ATP11C: variants seen among roughly 807,000 people sequenced by gnomAD.
The protein encoded by ATP11C is ATPase phospholipid transporting 11C (ATP11C blood group), also known as phospholipid-transporting ATPase IG.
In ATP11C, 36 loss-of-function variants were observed where a neutral mutation model predicts 97.4. The ratio of observed to expected loss-of-function variants is 0.37; its 90% CI spans 0.28 to 0.49. The LOEUF is 0.49. Ranked by LOEUF, ATP11C falls within the 20% of genes least tolerant of loss-of-function variation. The pLI is 0.98. For synonymous variants in ATP11C, 275 were observed against 290.9 expected (o/e 0.95, Z 0.56); for missense variants, 730 against 824.6 (o/e 0.89, Z 1.40).
intron 22 of ATP11C, among the ~76,000 whole-genome samples, chrX:139,760,889 G>A (rs1343517870): frequency 8.9e-6 from 1 of 112,136 alleles, no homozygotes; most frequent in Non-Finnish European, 1.9e-5. Context: ...TACGTACAAG[G>A]TTTCTTTTGG....
At chrX:139,788,031 TG>T (rs2082611964) in intron 14 of ATP11C, among the ~76,000 whole-genome samples, 160 bp downstream of exon 14, 1 of 112,534 alleles carries the variant, frequency 8.9e-6, no homozygotes, top group Non-Finnish European at 1.9e-5. Flanking sequence ...TGGTTAGGTG[TG>T]GGAATTTTCC....
intron 29 of ATP11C, among the ~76,000 whole-genome samples, chrX:139,729,689 T>G (rs922790802): frequency 1.8e-5 from 2 of 111,895 alleles, no homozygotes; most frequent in African/African-American, 6.5e-5. Flanking sequence ...GGATGGTGCA[T>G]GACAGACAAA....
chrX:139,932,106 C>G lies in ATP11C; in HGVS notation c.-64G>C, dbSNP rs1293986214. ...GGGCTGTCTGGGAAGGCGCCGTCCA[C>G]AAAACACACTGCGGCGTGGGCCGGC... On this transcript the variant is annotated 5_prime_UTR_variant, in exon 1 of 30. Coordinates refer to ENST00000682941, the MANE Select transcript of ATP11C (RefSeq NM_001353812.2). 2.8e-6 allele frequency: 3 copies of G among 1,061,328 alleles called. No individual in the cohort carries two copies. The highest frequency in any genetic ancestry group is 6.1e-5 in the Admixed American group (2 of 32,956). 87.5% of individuals were successfully genotyped at this position (1,061,328 alleles called of 1,213,427 possible).
chrX:139,773,185 G>A (rs768377099), intron 19 of ATP11C, among the ~76,000 whole-genome samples: 4 of 111,194 alleles, frequency 3.6e-5, no homozygotes, highest in Admixed American at 1.9e-4. Context: ...TTCTCTTGTC[G>A]CTGTCATGTA....
At chrX:139,755,610 C>T (rs981428888) in intron 23 of ATP11C, among the ~76,000 whole-genome samples, 24 of 111,313 alleles carry the variant, frequency 2.2e-4, no homozygotes, top group Non-Finnish European at 3.0e-4. Context: ...TAACCAAAAC[C>T]GCATGGTACT....
At chrX:139,868,474 G>T (rs1385588726) in intron 1 of ATP11C, among the ~76,000 whole-genome samples, 1 of 109,245 alleles carries the variant, frequency 9.2e-6, no homozygotes, top group Non-Finnish European at 1.9e-5. Flanking sequence ...CCAACACTTT[G>T]GGAGGCTGAG....
chrX:139,866,493 C>G, intron 1 of ATP11C, among the ~76,000 whole-genome samples: 1 of 109,189 alleles, frequency 9.2e-6, no homozygotes. Flanking sequence ...CAAGGTGGGC[C>G]GATCGCTTGA....
At chrX:139,933,812 A>G (rs959400179), upstream of ATP11C, among the ~76,000 whole-genome samples, 3 of 112,090 alleles carry the variant, frequency 2.7e-5, no homozygotes, top group Non-Finnish European at 5.6e-5. Flanking sequence ...TTTGCTGGGA[A>G]TTTTCTTTGT....
At chrX:139,916,872 T>A (rs1341458914) in intron 1 of ATP11C, among the ~76,000 whole-genome samples, 1 of 111,309 alleles carries the variant, frequency 9.0e-6, no homozygotes, top group Non-Finnish European at 1.9e-5. Context: ...TACAAAACAA[T>A]ATGTAATCAA....
chrX:139,846,744 C>G (rs111636214), intron 1 of ATP11C, among the ~76,000 whole-genome samples: 309 of 111,107 alleles, frequency 2.8e-3, no homozygotes, highest in African/African-American at 8.3e-3. Flanking sequence ...TGTATTTTGA[C>G]TGAAACAGAC....
intron 20 of ATP11C, among the ~76,000 whole-genome samples, chrX:139,765,929 A>G (rs968903426): frequency 1.8e-5 from 2 of 112,211 alleles, no homozygotes; most frequent in Admixed American, 1.9e-4. Context: ...GACTAAGACT[A>G]CAATGAAAGG....
At chrX:139,809,907 G>A (rs1172316479) in intron 5 of ATP11C, among the ~76,000 whole-genome samples, 2 of 110,384 alleles carry the variant, frequency 1.8e-5, no homozygotes, top group African/African-American at 6.6e-5. Context: ...CAGACGTTGC[G>A]GTGAGCCAAG....
intron 20 of ATP11C, 39 bp downstream of exon 20, chrX:139,768,221 A>G: frequency 1.0e-6 from 1 of 966,087 alleles, no homozygotes; most frequent in South Asian, 4.2e-5. Flanking sequence ...TATGTATAGA[A>G]GTATCCAGAA....
chrX:139,836,273 T>C (rs1209560354), intron 1 of ATP11C, among the ~76,000 whole-genome samples: 1 of 110,747 alleles, frequency 9.0e-6, no homozygotes, highest in Non-Finnish European at 1.9e-5. Flanking sequence ...CTCAGCACTT[T>C]GGGAGGCCGA....
intron 1 of ATP11C, among the ~76,000 whole-genome samples, chrX:139,873,146 A>G (rs1484690688): frequency 8.9e-6 from 1 of 112,321 alleles, no homozygotes; most frequent in African/African-American, 3.2e-5. Context: ...TTGACTTGTA[A>G]ATTTTTTTAT....
chrX:139,820,593 G>A (rs1300896106), intron 2 of ATP11C, among the ~76,000 whole-genome samples: 3 of 109,371 alleles, frequency 2.7e-5, no homozygotes, highest in African/African-American at 6.7e-5. Flanking sequence ...CTGGGCCATG[G>A]AGGGCTTTCA....
rs1343272053 is a variant in ATP11C at position 139,728,647 on chromosome X, G to C, written c.*319C>G. On this transcript the variant is annotated 3_prime_UTR_variant, in exon 30 of 30. Transcript: ENST00000682941. ...TTCACAAAGTTCATGGGTTAAAAGA[G>C]CACCCATTTGAGTTATATTACTCTA... The C allele has an allele frequency of 1.1e-5, 3 of 274,386 alleles. No individual in the cohort carries two copies. Among genetic ancestry groups the C allele is most frequent in the African/African-American group, 8.1e-5 (3 of 37,066 alleles). The allele number at this position is 274,386 out of a possible 1,213,427, so 22.6% of individuals were successfully genotyped here.
At chrX:139,901,616 T>C (rs2084901273) in intron 1 of ATP11C, among the ~76,000 whole-genome samples, 1 of 111,030 alleles carries the variant, frequency 9.0e-6, no homozygotes, top group African/African-American at 3.3e-5. Context: ...GCTTTGCTTA[T>C]CTAATGGAAG....
chrX:139,886,062 T>C (rs1397933169), intron 1 of ATP11C, among the ~76,000 whole-genome samples: 1 of 111,000 alleles, frequency 9.0e-6, no homozygotes, highest in Admixed American at 9.7e-5. Flanking sequence ...AAAATACAGA[T>C]ACTTATAGAT....
Sources: allele counts gnomAD v4.1 joint callset (sites outside exome capture counted in the v4.1 genomes callset), GRCh38; gene constraint gnomAD v4.1.1; transcripts MANE v1.5; gene names NCBI Gene and HGNC (gene_info 2026-07-23, HGNC 2026-07-21).